Variants in SLCO1B1 observed in about 807,000 individuals in gnomAD.
SLCO1B1 encodes the protein solute carrier organic anion transporter family member 1B1, also known as OATP-2.
A neutral mutation model predicts 70.1 loss-of-function variants in SLCO1B1; 81 were observed. That is an observed-to-expected ratio of 1.16 (90% CI 0.97 to 1.39). SLCO1B1 has a LOEUF of 1.39. SLCO1B1 is among the 40% of genes most tolerant of loss of function. The pLI is 0.00. For synonymous variants in SLCO1B1, 283 were observed against 271.5 expected, an observed-to-expected ratio of 1.04 and a Z score of -0.42; for missense variants, 895 against 799.6, an observed-to-expected ratio of 1.12 and a Z score of -1.44.
intron 14 of SLCO1B1, among the ~76,000 whole-genome samples, chr12:21,227,562 T>A (rs1941494558): frequency 6.6e-6 from 1 of 152,074 alleles, no homozygotes; most frequent in Non-Finnish European, 1.5e-5. Context: ...TAAATATTAA[T>A]GACAGAAAAT....
chr12:21,137,868 C>T (rs943831355), intron 1 of SLCO1B1, among the ~76,000 whole-genome samples: 5 of 152,166 alleles, frequency 3.3e-5, no homozygotes, highest in African/African-American at 1.2e-4. Context: ...CTGGCACTCC[C>T]CAGTGAGATG....
At chr12:21,159,283 C>T (rs1307212224) in intron 2 of SLCO1B1, among the ~76,000 whole-genome samples, 1 of 151,984 alleles carries the variant, frequency 6.6e-6, no homozygotes, top group Non-Finnish European at 1.5e-5. Context: ...AGAAAAAGAG[C>T]TGACCAAATT....
At chr12:21,173,738 C>T (rs12320965) in intron 3 of SLCO1B1, among the ~76,000 whole-genome samples, 1 of 148,244 alleles carries the variant, frequency 6.7e-6, no homozygotes, top group African/African-American at 2.5e-5. Context: ...ATTGTTATGC[C>T]TGAGGCTCCA....
rs1028173269 is a variant in SLCO1B1, at chr12:21,200,741, T to C, written c.1135+69T>C. On this transcript the variant is annotated intron_variant, in intron 9 of 14. Coordinates refer to ENST00000256958, the MANE Select transcript of SLCO1B1 (RefSeq NM_006446.5). ...ACTAAATACTGTATTCCAAGTGGTA[T>C]TTTATTGTGAAAGTGATTTTGTATT... is the stretch of plus-strand genomic sequence containing the variant. The C allele has an allele frequency of 3.7e-6, 5 of 1,343,848 alleles. No individual in the cohort carries two copies. The Admixed American group carries it at 6.1e-5, about 16-fold the overall frequency. The allele number at this position is 1,343,848 out of a possible 1,614,324, so 83.2% of individuals were successfully genotyped here.
intron 7 of SLCO1B1, among the ~76,000 whole-genome samples, chr12:21,183,118 A>G (rs1565675575): frequency 6.6e-6 from 1 of 152,190 alleles, no homozygotes; most frequent in Non-Finnish European, 1.5e-5. Context: ...AAAACAAAAG[A>G]GTTATGTCCC....
intron 11 of SLCO1B1, among the ~76,000 whole-genome samples, chr12:21,215,080 G>C (rs543215086): frequency 1.3e-5 from 2 of 152,290 alleles, no homozygotes; most frequent in East Asian, 3.9e-4. Context: ...GGCCATCTTG[G>C]CTCCTCCAAC....
rs780686282 is a variant in SLCO1B1, at chr12:21,172,780, G to A, written c.215G>A (p.Ser72Asn). The change falls in exon 3 of 15, where the codon AGC (serine) becomes AAC (asparagine). Residue 72 changes from serine to asparagine, a missense_variant. By Grantham distance (46) the Ser-to-Asn change is conservative. Transcript: ENST00000256958. ...TCTCTTGTTGGTTTTATTGACGGAA[G>A]CTTTGAAATTGGTAACATTTATTTT... ...SSSLVGFIDG[S>N]FEIGNLLVIV... The A allele has an allele frequency of 5.6e-6, 9 of 1,612,840 alleles. No individual in the cohort carries two copies. The highest frequency in any genetic ancestry group is 1.6e-4 in the Middle Eastern group (1 of 6,074).
At chr12:21,140,571 T>A (rs1940294478) in intron 1 of SLCO1B1, among the ~76,000 whole-genome samples, 1 of 151,976 alleles carries the variant, frequency 6.6e-6, no homozygotes, top group Non-Finnish European at 1.5e-5. Context: ...ATTAAGAACA[T>A]CTTTAATATG....
intron 1 of SLCO1B1, among the ~76,000 whole-genome samples, chr12:21,138,805 A>C (rs1368545797): frequency 6.6e-6 from 1 of 152,184 alleles, no homozygotes. Context: ...TGAAAGAAAC[A>C]TACAAGAGGG....
chr12:21,151,132 G>A (rs1940465794), intron 2 of SLCO1B1, among the ~76,000 whole-genome samples: 1 of 152,108 alleles, frequency 6.6e-6, no homozygotes, highest in African/African-American at 2.4e-5. Flanking sequence ...GTACATTATT[G>A]TAGTTTACTA....
At chr12:21,235,013 G>A (rs1243823814) in intron 14 of SLCO1B1, among the ~76,000 whole-genome samples, 1 of 151,356 alleles carries the variant, frequency 6.6e-6, no homozygotes, top group Non-Finnish European at 1.5e-5. Context: ...CATTTTCTCT[G>A]ATTTTTGGGT....
At chr12:21,216,482 A>C (rs1042810121) in intron 11 of SLCO1B1, among the ~76,000 whole-genome samples, 7 of 152,192 alleles carry the variant, frequency 4.6e-5, no homozygotes, top group Non-Finnish European at 7.4e-5. Context: ...ATCTGAAATC[A>C]CTTGTTTCTA....
intron 11 of SLCO1B1, among the ~76,000 whole-genome samples, chr12:21,209,218 C>A (rs1341457785): frequency 6.6e-6 from 1 of 151,834 alleles, no homozygotes; most frequent in Non-Finnish European, 1.5e-5. Context: ...CTCCTCCCAC[C>A]CCACAACAGT....
intron 14 of SLCO1B1, among the ~76,000 whole-genome samples, chr12:21,231,291 T>G (rs1198227512): frequency 6.6e-6 from 1 of 152,108 alleles, no homozygotes; most frequent in East Asian, 1.9e-4. Context: ...CAAACTTGGC[T>G]TTTTGGCTAA....
chr12:21,139,846 C>T (rs1407249526), intron 1 of SLCO1B1, among the ~76,000 whole-genome samples: 2 of 152,002 alleles, frequency 1.3e-5, no homozygotes, highest in African/African-American at 2.4e-5. Context: ...ACATTTTTGG[C>T]ATTTTTGTGT....
chr12:21,224,722 G>A lies in SLCO1B1; in HGVS notation c.1748G>A (p.Gly583Glu), dbSNP rs748580828. Reference protein sequence around the residue: ...GFHSMVIRALGGILAPIYFGA... With the variant: ...GFHSMVIRALEGILAPIYFGA... ...GACATCTTCTCTTCTCCTATTACAG[G>A]AGGAATTCTAGCTCCAATATATTTT... Residue 583 changes from glycine to glutamate, a missense_variant and splice_region_variant, in exon 14 of 15, where the codon GGA (glycine) becomes GAA (glutamate). Physicochemically the swap from Gly to Glu is moderately conservative, Grantham distance 98. Coordinates refer to ENST00000256958, the MANE Select transcript of SLCO1B1 (RefSeq NM_006446.5). The A allele has an allele frequency of 3.2e-6, 5 of 1,572,076 alleles. No homozygotes were observed. The highest frequency in any genetic ancestry group is 4.4e-6 in the Non-Finnish European group (5 of 1,143,264).
At chr12:21,176,386 A>G (rs1483516188) in intron 4 of SLCO1B1, among the ~76,000 whole-genome samples, 3 of 152,114 alleles carry the variant, frequency 2.0e-5, no homozygotes, top group African/African-American at 4.8e-5. Context: ...GTGTGTGAAT[A>G]TGTGTCCATG....
intron 7 of SLCO1B1, among the ~76,000 whole-genome samples, chr12:21,183,533 T>G (rs919033330): frequency 6.6e-6 from 1 of 152,200 alleles, no homozygotes; most frequent in African/African-American, 2.4e-5. Context: ...CATATGAAAC[T>G]GAGAGCAAGA....
chr12:21,203,156 A>C (rs931452640), intron 10 of SLCO1B1, among the ~76,000 whole-genome samples: 34 of 152,218 alleles, frequency 2.2e-4, no homozygotes, highest in African/African-American at 7.9e-4. Flanking sequence ...GTTCATATCG[A>C]TGTTCAACAA....
Sources: allele counts gnomAD v4.1 joint callset (sites outside exome capture counted in the v4.1 genomes callset), GRCh38; gene constraint gnomAD v4.1.1; transcripts MANE v1.5; gene names NCBI Gene and HGNC (gene_info 2026-07-23, HGNC 2026-07-21).